The following CCDC7 variants were observed in gnomAD, a reference collection of about 807,000 sequenced individuals.
CCDC7 encodes the protein coiled-coil domain-containing protein 7.
CCDC7 carries 183 observed loss-of-function variants against 196.9 expected under a neutral mutation model. The ratio of observed to expected loss-of-function variants is 0.93; its 90% CI spans 0.82 to 1.05. CCDC7 has a LOEUF of 1.05. CCDC7 is among the 50% of genes least tolerant of loss of function. The pLI, the probability that CCDC7 is intolerant of heterozygous loss-of-function variation, is 0.00. For missense variants in CCDC7, 1,540 were observed against 1,482.2 expected, an observed-to-expected ratio of 1.04 and a Z score of -0.64; for synonymous variants, 525 against 484.6, an observed-to-expected ratio of 1.08 and a Z score of -1.10.
At chr10:32,733,189 TTTC>T (rs1473181323) in intron 28 of CCDC7, among the ~76,000 whole-genome samples, 1 of 152,080 alleles carries the variant, frequency 6.6e-6, no homozygotes, top group Non-Finnish European at 1.5e-5. Context: ...ATGAAACCAT[TTTC>T]TTGAAAAGTT....
chr10:32,801,017 G>A (rs919178585), intron 29 of CCDC7, among the ~76,000 whole-genome samples: 1 of 152,158 alleles, frequency 6.6e-6, no homozygotes, highest in African/African-American at 2.4e-5. Flanking sequence ...TGCCCACCTT[G>A]CCTTTGATGG....
intron 18 of CCDC7, among the ~76,000 whole-genome samples, chr10:32,631,159 T>C (rs2064808227): frequency 6.6e-6 from 1 of 152,224 alleles, no homozygotes; most frequent in Non-Finnish European, 1.5e-5. Context: ...ATTTTAATTG[T>C]GAAGTTCAAT....
intron 20 of CCDC7, among the ~76,000 whole-genome samples, chr10:32,663,053 A>C (rs1177942872): frequency 6.6e-6 from 1 of 151,954 alleles, no homozygotes; most frequent in Non-Finnish European, 1.5e-5. Context: ...TGTATGTAAC[A>C]CTTTCCCCCT....
At chr10:32,718,070 A>G (rs2081891178) in intron 25 of CCDC7, among the ~76,000 whole-genome samples, 2 of 152,184 alleles carry the variant, frequency 1.3e-5, no homozygotes, top group Non-Finnish European at 2.9e-5. Flanking sequence ...TCTGGCAGAG[A>G]CACAAAAACA....
At chr10:32,669,393 C>T (rs891289752) in intron 21 of CCDC7, among the ~76,000 whole-genome samples, 1 of 152,036 alleles carries the variant, frequency 6.6e-6, no homozygotes, top group Non-Finnish European at 1.5e-5. Context: ...TAATGCTGGC[C>T]TCCTAAAATG....
chr10:32,704,171 C>T (rs187569097), intron 24 of CCDC7, among the ~76,000 whole-genome samples: 16 of 152,168 alleles, frequency 1.1e-4, no homozygotes, highest in Admixed American at 2.0e-4. Context: ...AGGATGGCGA[C>T]GTACAGATGG....
At chr10:32,651,454 G>A (rs540123587) in intron 20 of CCDC7, among the ~76,000 whole-genome samples, 4 of 152,284 alleles carry the variant, frequency 2.6e-5, no homozygotes, top group African/African-American at 7.2e-5. Flanking sequence ...TCCTGGTTGC[G>A]TCTAGTCAGT....
intron 16 of CCDC7, among the ~76,000 whole-genome samples, chr10:32,577,462 T>G: frequency 6.6e-6 from 1 of 152,160 alleles, no homozygotes; most frequent in African/African-American, 2.4e-5. Flanking sequence ...TGCAATTCAG[T>G]CAATCTGAGG....
intron 7 of CCDC7, 128 bp from the exon 9 acceptor site, chr10:32,473,839 G>T: frequency 2.4e-6 from 2 of 826,514 alleles, no homozygotes; most frequent in Non-Finnish European, 3.5e-6. Flanking sequence ...AGTGTTGGCA[G>T]TTATTATTTT....
At chr10:32,881,176 G>A (rs1593813564), downstream of CCDC7, among the ~76,000 whole-genome samples, 1 of 152,024 alleles carries the variant, frequency 6.6e-6, no homozygotes, top group African/African-American at 2.4e-5. Flanking sequence ...ATGATTCCAG[G>A]TGCAGAGACA....
intron 17 of CCDC7, 35 bp from the exon 19 acceptor site, chr10:32,584,197 A>G: frequency 8.1e-7 from 1 of 1,230,132 alleles, no homozygotes; most frequent in Non-Finnish European, 1.1e-6. Flanking sequence ...TATGTATATA[A>G]TTTCTAATTA....
intron 39 of CCDC7, among the ~76,000 whole-genome samples, chr10:32,849,375 C>T (rs1465741207): frequency 6.6e-6 from 1 of 151,890 alleles, no homozygotes; most frequent in Non-Finnish European, 1.5e-5. Context: ...AGAGTGGGCC[C>T]ATTCAGTAAA....
At chr10:32,530,240 C>A (rs956936622) in intron 11 of CCDC7, among the ~76,000 whole-genome samples, 1 of 152,088 alleles carries the variant, frequency 6.6e-6, no homozygotes, top group African/African-American at 2.4e-5. Flanking sequence ...CTTAGTCTTG[C>A]TTTGGCTATG....
At chr10:32,760,310 G>A (rs964826731) in intron 28 of CCDC7, among the ~76,000 whole-genome samples, 2 of 151,976 alleles carry the variant, frequency 1.3e-5, no homozygotes, top group Non-Finnish European at 2.9e-5. Context: ...GTTTATTGTG[G>A]CACTATTCAC....
chr10:32,711,249 C>T (rs964287974), intron 24 of CCDC7, among the ~76,000 whole-genome samples: 3 of 151,720 alleles, frequency 2.0e-5, no homozygotes, highest in Non-Finnish European at 2.9e-5. Flanking sequence ...GTCTCCTGTG[C>T]TTAAAAATCT....
chr10:32,453,447 G>A lies in CCDC7; in HGVS notation c.372+11G>A. ...GAATTATCTTTATCTGTAAGTATATGCAACCCTAATATAGAGACATTAACA... is the reference window on the plus strand; with the variant it reads ...GAATTATCTTTATCTGTAAGTATATACAACCCTAATATAGAGACATTAACA... On this transcript the variant is annotated intron_variant, in intron 2 of 41. Transcript: ENST00000639629. 6.7e-7 allele frequency: 1 copy of A among 1,497,212 alleles called. No individual in the cohort carries two copies. Among genetic ancestry groups the A allele is most frequent in the Non-Finnish European group, 8.9e-7 (1 of 1,122,272 alleles). 92.7% of individuals were successfully genotyped at this position (1,497,212 alleles called of 1,614,324 possible).
At chr10:32,742,638 A>C (rs1303359718) in intron 28 of CCDC7, among the ~76,000 whole-genome samples, 1 of 152,202 alleles carries the variant, frequency 6.6e-6, no homozygotes, top group Non-Finnish European at 1.5e-5. Flanking sequence ...AAAATACCAT[A>C]GACTAGGTAG....
At chr10:32,711,863 TAACTC>T (rs1451834951) in intron 25 of CCDC7, 133 bp downstream of exon 26, 4 of 461,382 alleles carry the variant, frequency 8.7e-6, no homozygotes, top group African/African-American at 6.2e-5. Context: ...TACTCTAACA[TAACTC>T]AAGAAAGAAA....
At chr10:32,498,044 C>A (rs2043190694) in intron 9 of CCDC7, among the ~76,000 whole-genome samples, 1 of 152,058 alleles carries the variant, frequency 6.6e-6, no homozygotes, top group Non-Finnish European at 1.5e-5. Flanking sequence ...CTTTGTAGGT[C>A]TTTAAGGACT....
Sources: gnomAD v4.1 joint callset for allele counts (sites outside exome capture counted in the v4.1 genomes callset) on GRCh38, gnomAD v4.1.1 for gene constraint, MANE v1.5 for transcripts, NCBI Gene and HGNC (gene_info 2026-07-23, HGNC 2026-07-21) for gene names.